The following ZBTB20 variants were observed in gnomAD, a reference collection of about 807,000 sequenced individuals.
ZBTB20 encodes zinc finger and BTB domain-containing protein 20.
A neutral mutation model predicts 56.9 loss-of-function variants in ZBTB20; 9 were observed. The ratio of observed to expected loss-of-function variants is 0.16; its 90% CI spans 0.10 to 0.28. The LOEUF (loss-of-function observed/expected upper bound fraction) is 0.28. ZBTB20 is among the 10% of genes least tolerant of loss of function. ZBTB20 has a pLI of 1.00. For synonymous variants in ZBTB20, 417 were observed against 420.7 expected (o/e 0.99, Z 0.11); for missense variants, 655 against 1,003.0 (o/e 0.65, Z 4.69).
At chr3:114,709,389 C>G (rs975382998) in intron 5 of ZBTB20, among the ~76,000 whole-genome samples, 1 of 152,018 alleles carries the variant, frequency 6.6e-6, no homozygotes, top group Non-Finnish European at 1.5e-5. Flanking sequence ...CCTTAAAAGG[C>G]CAAGGTAGTT....
intron 3 of ZBTB20, among the ~76,000 whole-genome samples, chr3:114,959,654 A>T (rs149348796): frequency 1.8e-4 from 28 of 151,904 alleles, no homozygotes; most frequent in African/African-American, 6.0e-4. Flanking sequence ...TAGTTGTTCT[A>T]GGTCAAAAAC....
chr3:114,814,377 C>T (rs1375577351), intron 4 of ZBTB20, among the ~76,000 whole-genome samples: 3 of 151,818 alleles, frequency 2.0e-5, no homozygotes, highest in Admixed American at 2.0e-4. Flanking sequence ...TCTGTCTCTA[C>T]TGTATATTTG....
Position 115,088,123 on chromosome 3 carries a change from T to C in ZBTB20, c.-702-16709A>G, listed in dbSNP as rs574977614. ...TATTCAAAAAATGCCCTACAGGATT[T>C]TTCCTGTGGAGCCTAAATAAATCAC... On this transcript the variant is annotated intron_variant, in intron 1 of 11. Coordinates refer to ENST00000675478, the MANE Select transcript of ZBTB20 (RefSeq NM_001348800.3). Among the ~76,000 whole-genome samples the C allele has an allele frequency of 2.0e-5, 3 of 152,038 alleles. No homozygotes were observed. In the East Asian group the frequency reaches 5.8e-4, roughly 29 times the overall value.
chr3:114,738,593 T>C (rs530073494), intron 5 of ZBTB20, among the ~76,000 whole-genome samples: 3 of 152,188 alleles, frequency 2.0e-5, no homozygotes, highest in Admixed American at 2.0e-4. Context: ...ATGTGGTAAG[T>C]GCATTAAATA....
At chr3:114,975,790 G>T (rs1450762587) in intron 2 of ZBTB20, among the ~76,000 whole-genome samples, 1 of 152,118 alleles carries the variant, frequency 6.6e-6, no homozygotes, top group Non-Finnish European at 1.5e-5. Flanking sequence ...AATTAATTTG[G>T]TAACTACATG....
intron 2 of ZBTB20, among the ~76,000 whole-genome samples, chr3:115,043,378 G>A (rs1162959886): frequency 6.6e-6 from 1 of 151,074 alleles, no homozygotes; most frequent in African/African-American, 2.4e-5. Context: ...GGCCAACATG[G>A]TGAAACCCCA....
chr3:114,476,958 C>A (rs1343496595), intron 7 of ZBTB20, among the ~76,000 whole-genome samples: 6 of 152,166 alleles, frequency 3.9e-5, no homozygotes, highest in Non-Finnish European at 7.3e-5. Context: ...CTTCAGTTTT[C>A]TCATTTGAAA....
In ZBTB20 at chr3:114,424,984, A is replaced by C. The variant is rs929061426; in HGVS notation, c.-254-35879T>G. Reference sequence around the variant, plus strand: ...AATTTTAATTATTTTAATTTGGCAGACATCCCTAGAATTTTCCCTCCATAT... The same window carrying C: ...AATTTTAATTATTTTAATTTGGCAGCCATCCCTAGAATTTTCCCTCCATAT... On this transcript the variant is annotated intron_variant, in intron 7 of 11. Transcript: ENST00000675478. 2.6e-5 allele frequency among the ~76,000 whole-genome samples: 4 copies of C among 152,168 alleles called. 1 individual carries two copies. Among genetic ancestry groups the C allele is most frequent in the Admixed American group, 2.0e-4 (3 of 15,274 alleles).
Position 114,679,288 on chromosome 3 carries a change from T to A in ZBTB20, c.-295+14240A>T, listed in dbSNP as rs535667642. ...AAAAACCCAAAATTGACAAATGGGATCTAATTAAACTAAAGAGCTCCTGCA... is the reference window on the plus strand; with the variant it reads ...AAAAACCCAAAATTGACAAATGGGAACTAATTAAACTAAAGAGCTCCTGCA... On this transcript the variant is annotated intron_variant, in intron 6 of 11. Coordinates refer to ENST00000675478, the MANE Select transcript of ZBTB20 (RefSeq NM_001348800.3). Among the ~76,000 whole-genome samples the A allele has an allele frequency of 1.4e-4, 22 of 152,120 alleles. 1 individual carries two copies. The highest frequency in any genetic ancestry group is 4.6e-4 in the African/African-American group (19 of 41,520).
intron 2 of ZBTB20, among the ~76,000 whole-genome samples, chr3:114,988,683 T>C (rs1438595777): frequency 6.6e-6 from 1 of 152,190 alleles, no homozygotes; most frequent in Non-Finnish European, 1.5e-5. Flanking sequence ...CAGACTGTCT[T>C]CCACAATGGT....
intron 7 of ZBTB20, among the ~76,000 whole-genome samples, chr3:114,445,041 T>C (rs2091181964): frequency 6.6e-6 from 1 of 152,190 alleles, no homozygotes; most frequent in African/African-American, 2.4e-5. Flanking sequence ...ACAGTGATTA[T>C]GATGCTCTGA....
At chr3:114,991,124 T>TA (rs1320047048) in intron 2 of ZBTB20, among the ~76,000 whole-genome samples, 1 of 152,204 alleles carries the variant, frequency 6.6e-6, no homozygotes, top group Non-Finnish European at 1.5e-5. Context: ...GCTCTGATCT[T>TA]AGTGATTTCT....
At chr3:114,490,972 C>A (rs1421661455) in intron 7 of ZBTB20, among the ~76,000 whole-genome samples, 1 of 152,166 alleles carries the variant, frequency 6.6e-6, no homozygotes, top group Non-Finnish European at 1.5e-5. Flanking sequence ...GTCCCTGTTC[C>A]TGGTGTTTTG....
chr3:114,355,197 C>G (rs1407731419), intron 10 of ZBTB20, among the ~76,000 whole-genome samples: 1 of 151,806 alleles, frequency 6.6e-6, no homozygotes, highest in Admixed American at 6.6e-5. Flanking sequence ...GAGAAAAATC[C>G]AAACTGTTTG....
chr3:115,115,071 T>G (rs989695014), intron 1 of ZBTB20, among the ~76,000 whole-genome samples: 1 of 152,126 alleles, frequency 6.6e-6, no homozygotes, highest in Non-Finnish European at 1.5e-5. Context: ...ATTTTAAGAT[T>G]CTTTCACATT....
At chr3:114,497,223 C>T (rs1023292332) in intron 7 of ZBTB20, among the ~76,000 whole-genome samples, 10 of 152,182 alleles carry the variant, frequency 6.6e-5, no homozygotes, top group African/African-American at 2.4e-4. Context: ...GACCTGGTCT[C>T]CCTATTCTGA....
At chr3:114,388,314 C>G (rs187910699) in intron 8 of ZBTB20, 14 of 152,178 alleles carry the variant, frequency 9.2e-5, no homozygotes, top group Non-Finnish European at 1.6e-4. Context: ...TTAATGAATA[C>G]TTGATATCAA....
At chr3:114,700,758 A>G (rs1256006764) in intron 5 of ZBTB20, among the ~76,000 whole-genome samples, 2 of 152,178 alleles carry the variant, frequency 1.3e-5, no homozygotes, top group African/African-American at 2.4e-5. Flanking sequence ...AGGTTAAAAG[A>G]GTCCTCTGAC....
intron 6 of ZBTB20, among the ~76,000 whole-genome samples, chr3:114,543,570 T>C (rs2049371332): frequency 6.6e-6 from 1 of 152,178 alleles, no homozygotes; most frequent in Non-Finnish European, 1.5e-5. Context: ...TAACAACAAC[T>C]AGTAAATTGA....
Sources: gnomAD v4.1 joint callset for allele counts (sites outside exome capture counted in the v4.1 genomes callset) on GRCh38, gnomAD v4.1.1 for gene constraint, MANE v1.5 for transcripts, NCBI Gene and HGNC (gene_info 2026-07-23, HGNC 2026-07-21) for gene names.